The following RALYL variants were observed in gnomAD, a reference collection of about 807,000 sequenced individuals.
RALYL encodes the protein RALY RNA binding protein like, also known as RNA-binding Raly-like protein.
RALYL carries 29 observed loss-of-function variants against 35.1 expected under a neutral mutation model. The ratio of observed to expected loss-of-function variants is 0.83; its 90% confidence interval spans 0.61 to 1.13. The LOEUF (loss-of-function observed/expected upper bound fraction) is 1.13, where lower values mean the gene tolerates loss of function less well. Among genes scored for constraint, RALYL ranks in the 50% most tolerant of loss-of-function variants. RALYL has a pLI of 0.00. For missense variants in RALYL, 359 were observed against 360.4 expected, an observed-to-expected ratio of 1.00 and a Z score of 0.03; for synonymous variants, 120 against 127.6, an observed-to-expected ratio of 0.94 and a Z score of 0.40.
At chr8:84,761,318 C>CCAGGATATGATATA (rs1586031863) in intron 2 of RALYL, among the ~76,000 whole-genome samples, 2 of 151,846 alleles carry the variant, frequency 1.3e-5, no homozygotes, top group East Asian at 3.9e-4. Context: ...AAAAATATAA[C>CCAGGATATGATATA]TGACCAGGAT....
chr8:84,860,035 C>A (rs147917981), intron 5 of RALYL, among the ~76,000 whole-genome samples: 2 of 152,270 alleles, frequency 1.3e-5, no homozygotes, highest in Non-Finnish European at 2.9e-5. Context: ...GCAAGTATGG[C>A]TCTTTCTCAG....
chr8:84,323,722 A>G (rs1430721849), intron 1 of RALYL, among the ~76,000 whole-genome samples: 1 of 152,080 alleles, frequency 6.6e-6, no homozygotes, highest in East Asian at 1.9e-4. Context: ...ATATGACCAC[A>G]CATATTAAAT....
chr8:84,813,719 G>A (rs1284554578), intron 4 of RALYL, among the ~76,000 whole-genome samples: 3 of 152,162 alleles, frequency 2.0e-5, no homozygotes, highest in Non-Finnish European at 4.4e-5. Context: ...CACCCTCATA[G>A]GCTTGGACAC....
chr8:84,472,480 T>C (rs1444370368), intron 1 of RALYL, among the ~76,000 whole-genome samples: 1 of 152,162 alleles, frequency 6.6e-6, no homozygotes, highest in Non-Finnish European at 1.5e-5. Context: ...GAAAAAGAAC[T>C]ATGAAATCTC....
rs568262239 is a variant in RALYL at position 84,314,329 on chromosome 8, T to C, written c.-24+129905T>C. 5.3e-5 allele frequency among the ~76,000 whole-genome samples: 8 copies of C among 152,056 alleles called. No homozygotes were observed. The East Asian group carries it at 1.4e-3, about 26-fold the overall frequency. On this transcript the variant is annotated intron_variant, in intron 1 of 8. Coordinates refer to ENST00000521268, the MANE Select transcript of RALYL (RefSeq NM_173848.7). ...ATATCAATAAGGAAAAATAAATAAA[T>C]TTTACATTATATATAATACCTTAAG...
At chr8:84,910,994 A>G (rs954708157) in intron 8 of RALYL, among the ~76,000 whole-genome samples, 3 of 151,986 alleles carry the variant, frequency 2.0e-5, no homozygotes, top group Non-Finnish European at 4.4e-5. Flanking sequence ...CAACAAATAG[A>G]TTTTTCTTTG....
At chr8:84,822,900 A>T (rs937870907) in intron 4 of RALYL, among the ~76,000 whole-genome samples, 4 of 152,134 alleles carry the variant, frequency 2.6e-5, no homozygotes, top group African/African-American at 9.7e-5. Flanking sequence ...TTGAATATCA[A>T]TTCAGTTATA....
chr8:84,851,158 TGAGA>T (rs1482086499), intron 5 of RALYL, among the ~76,000 whole-genome samples: 3 of 152,180 alleles, frequency 2.0e-5, no homozygotes, highest in African/African-American at 4.8e-5. Flanking sequence ...GTTTTGTCAC[TGAGA>T]GATAAGGAAG....
chr8:84,716,047 T>C (rs551776629), intron 2 of RALYL, among the ~76,000 whole-genome samples: 18 of 152,244 alleles, frequency 1.2e-4, no homozygotes, highest in African/African-American at 4.1e-4. Flanking sequence ...AAATGTTATA[T>C]TTCATATTAG....
chr8:84,648,079 C>A (rs1284725503), intron 2 of RALYL, among the ~76,000 whole-genome samples: 1 of 152,000 alleles, frequency 6.6e-6, no homozygotes, highest in African/African-American at 2.4e-5. Context: ...AGGGACTCTC[C>A]AGCAGAGTGT....
At chr8:84,329,506 C>A (rs1243139685) in intron 1 of RALYL, among the ~76,000 whole-genome samples, 1 of 151,900 alleles carries the variant, frequency 6.6e-6, no homozygotes. Context: ...GTTATTAGAC[C>A]TTTGTTAGAT....
chr8:84,414,052 G>T (rs2044368306), intron 1 of RALYL, among the ~76,000 whole-genome samples: 1 of 151,996 alleles, frequency 6.6e-6, no homozygotes, highest in Non-Finnish European at 1.5e-5. Flanking sequence ...TAATTAAAGT[G>T]CATATTTAAG....
At chr8:84,533,494 T>C (rs2059401499) in intron 2 of RALYL, among the ~76,000 whole-genome samples, 1 of 152,216 alleles carries the variant, frequency 6.6e-6, no homozygotes, top group Admixed American at 6.5e-5. Context: ...AATGTCTTTC[T>C]TTATATTCGG....
chr8:84,330,249 C>T (rs552455205), intron 1 of RALYL, among the ~76,000 whole-genome samples: 1 of 152,022 alleles, frequency 6.6e-6, no homozygotes, highest in East Asian at 1.9e-4. Flanking sequence ...GTAGCTAGGG[C>T]ACATAAAAAC....
chr8:84,404,559 T>C (rs2043264035), intron 1 of RALYL, among the ~76,000 whole-genome samples: 1 of 152,194 alleles, frequency 6.6e-6, no homozygotes, highest in Non-Finnish European at 1.5e-5. Context: ...GATGTGCTGC[T>C]GGATTTGGTT....
At chr8:84,474,488 G>A (rs1174910818) in intron 1 of RALYL, among the ~76,000 whole-genome samples, 1 of 152,164 alleles carries the variant, frequency 6.6e-6, no homozygotes, top group Non-Finnish European at 1.5e-5. Context: ...GCAAGTGCAA[G>A]TTTCTGAGAA....
chr8:84,920,915 G>T lies in RALYL; in HGVS notation c.*4G>T. ...TCAGTTTCTACAGATAAAGTGATCTGAAATAACGCATGATGCCACAAAGCA... is the reference window on the plus strand; with the variant it reads ...TCAGTTTCTACAGATAAAGTGATCTTAAATAACGCATGATGCCACAAAGCA... On this transcript the variant is annotated 3_prime_UTR_variant, in exon 9 of 9. Transcript: ENST00000521268. The T allele has an allele frequency of 7.0e-7, 1 of 1,437,790 alleles. No homozygotes were observed. The highest frequency in any genetic ancestry group is 9.3e-7 in the Non-Finnish European group (1 of 1,077,846). 89.1% of individuals were successfully genotyped at this position (1,437,790 alleles called of 1,614,324 possible). A position where few individuals can be genotyped will look rare whatever the true frequency, so the allele number is the denominator to read the frequency against.
chr8:84,678,884 TACTGCCTTG>T (rs1834775693), intron 2 of RALYL: 2 of 196,038 alleles, frequency 1.0e-5, no homozygotes, highest in Non-Finnish European at 2.1e-5. Context: ...ATGAAGAGGA[TACTGCCTTG>T]CTGAAAAATC....
intron 1 of RALYL, among the ~76,000 whole-genome samples, chr8:84,384,622 T>G (rs574053255): frequency 6.6e-6 from 1 of 151,898 alleles, no homozygotes; most frequent in Non-Finnish European, 1.5e-5. Flanking sequence ...AAATTTTCAT[T>G]GAGTGAAGTA....
Sources: gnomAD v4.1 joint callset for allele counts (sites outside exome capture counted in the v4.1 genomes callset) on GRCh38, gnomAD v4.1.1 for gene constraint, MANE v1.5 for transcripts, NCBI Gene and HGNC (gene_info 2026-07-23, HGNC 2026-07-21) for gene names.